The following EGFR variants were observed in gnomAD, a reference collection of about 807,000 sequenced individuals.
The protein encoded by EGFR is avian erythroblastic leukemia viral (v-erb-b) oncogene homolog.
Under a neutral mutation model 143.0 loss-of-function variants are expected in EGFR, and 58 were observed. The ratio of observed to expected loss-of-function variants is 0.41; its 90% CI spans 0.33 to 0.50. The LOEUF is 0.50. Among genes scored for constraint, EGFR ranks in the 20% least tolerant of loss-of-function variants. EGFR has a pLI of 0.39. For missense variants in EGFR, 1,307 were observed against 1,579.0 expected, an observed-to-expected ratio of 0.83 and a Z score of 2.92; for synonymous variants, 613 against 594.4, an observed-to-expected ratio of 1.03 and a Z score of -0.45.
intron 1 of EGFR, among the ~76,000 whole-genome samples, chr7:55,033,679 C>T (rs943576054): frequency 3.9e-5 from 6 of 152,150 alleles, no homozygotes; most frequent in African/African-American, 1.2e-4. Context: ...ACGTCCTTCC[C>T]GTGGTCTGGA....
rs1343778921 is a variant in EGFR at position 55,167,082 on chromosome 7, T to G, written c.1880+1645T>G. On this transcript the variant is annotated intron_variant, in intron 15 of 27. Transcript: ENST00000275493. ...ACAATGTTGGTGGTGTTGATGGTGGTGATGATGATGAGGAGGTGGGAGTCA... is the reference window on the plus strand; with the variant it reads ...ACAATGTTGGTGGTGTTGATGGTGGGGATGATGATGAGGAGGTGGGAGTCA... Among the ~76,000 whole-genome samples the G allele has an allele frequency of 1.5e-5, 2 of 132,978 alleles. 1 individual carries two copies. Among genetic ancestry groups the G allele is most frequent in the Non-Finnish European group, 3.1e-5 (2 of 64,138 alleles). 87.2% of individuals were successfully genotyped at this position (132,978 alleles called of 152,430 possible).
intron 1 of EGFR, among the ~76,000 whole-genome samples, chr7:55,034,773 T>C (rs1415586486): frequency 6.6e-6 from 1 of 152,254 alleles, no homozygotes; most frequent in Non-Finnish European, 1.5e-5. Context: ...AAAAGTTATT[T>C]TTAAAGTTGT....
chr7:55,130,489 C>A (rs1242210517), intron 1 of EGFR, among the ~76,000 whole-genome samples: 1 of 152,120 alleles, frequency 6.6e-6, no homozygotes, highest in African/African-American at 2.4e-5. Flanking sequence ...TACAGGGTAG[C>A]CAGGGAAAGG....
intron 1 of EGFR, among the ~76,000 whole-genome samples, chr7:55,045,400 A>T (rs1054510864): frequency 1.3e-5 from 2 of 152,212 alleles, no homozygotes. Flanking sequence ...AATTGATTGA[A>T]CTTCACTTGC....
At chr7:55,116,069 C>A (rs1439415064) in intron 1 of EGFR, among the ~76,000 whole-genome samples, 1 of 152,170 alleles carries the variant, frequency 6.6e-6, no homozygotes, top group Non-Finnish European at 1.5e-5. Flanking sequence ...ACTGTTACAA[C>A]CTTACTCATT....
chr7:55,058,524 G>A (rs954371720), intron 1 of EGFR, among the ~76,000 whole-genome samples: 17 of 152,170 alleles, frequency 1.1e-4, no homozygotes, highest in Middle Eastern at 3.2e-3. Flanking sequence ...ATACTATGCA[G>A]CCATAAAAAA....
chr7:55,180,569 TGG>T (rs1440148269), intron 19 of EGFR: 1 of 153,022 alleles, frequency 6.5e-6, no homozygotes. Context: ...TCTTTAGAAA[TGG>T]GTCCCGGGCA....
In EGFR at chr7:55,087,099, TC is replaced by T. The variant is rs368290657; in HGVS notation, c.89-55181del. ...CCACTTGAAACAGGGAAAAATATTT[TC>T]CCCCCGCGCTGTGAGTGTGCTATTT... On this transcript the variant is annotated intron_variant, in intron 1 of 27. Transcript: ENST00000275493. Among the ~76,000 whole-genome samples the T allele has an allele frequency of 5.5e-3, 839 of 151,924 alleles. 8 individuals are homozygous for T. Among genetic ancestry groups the T allele is most frequent in the African/African-American group, 0.017 (709 of 41,394 alleles).
chr7:55,093,758 T>A (rs1221348550), intron 1 of EGFR, among the ~76,000 whole-genome samples: 2 of 152,170 alleles, frequency 1.3e-5, no homozygotes, highest in African/African-American at 4.8e-5. Flanking sequence ...CAAGGAGTTA[T>A]CTTAATTTAG....
At chr7:55,074,588 G>A (rs530284072) in intron 1 of EGFR, among the ~76,000 whole-genome samples, 9 of 152,154 alleles carry the variant, frequency 5.9e-5, no homozygotes, top group African/African-American at 1.2e-4. Flanking sequence ...TTTAAATATC[G>A]TCTTGCTTGC....
At chr7:55,180,903 G>A (rs1380130502) in intron 19 of EGFR, 1 of 327,610 alleles carries the variant, frequency 3.1e-6, no homozygotes, top group East Asian at 7.5e-5. Context: ...ATTCCTACAG[G>A]CCCTCATGAT....
At chr7:55,144,486 G>A (rs2128928243) in intron 3 of EGFR, among the ~76,000 whole-genome samples, 1 of 152,314 alleles carries the variant, frequency 6.6e-6, no homozygotes, top group African/African-American at 2.4e-5. Context: ...AGTGCTGGTA[G>A]GAAAGGGGTG....
intron 6 of EGFR, among the ~76,000 whole-genome samples, chr7:55,153,053 G>A (rs1015233661): frequency 6.6e-6 from 1 of 152,192 alleles, no homozygotes; most frequent in Non-Finnish European, 1.5e-5. Context: ...TTTATTGTTT[G>A]ACTTCGGCTA....
intron 15 of EGFR, chr7:55,170,576 C>A (rs912101229): frequency 1.2e-6 from 2 of 1,610,480 alleles, no homozygotes; most frequent in Non-Finnish European, 1.7e-6. Context: ...GTTCCCCCCG[C>A]TTTTCCTTTC....
At chr7:55,144,828 T>C (rs537188143) in intron 3 of EGFR, among the ~76,000 whole-genome samples, 1 of 152,246 alleles carries the variant, frequency 6.6e-6, no homozygotes, top group South Asian at 2.1e-4. Context: ...GCCAGATGGC[T>C]CGGGAGCACA....
chr7:55,155,386 G>A (rs1785362134), intron 7 of EGFR, among the ~76,000 whole-genome samples: 1 of 152,194 alleles, frequency 6.6e-6, no homozygotes, highest in Admixed American at 6.5e-5. Context: ...AGGTTGCAGT[G>A]AGCTGAGATC....
intron 1 of EGFR, among the ~76,000 whole-genome samples, chr7:55,029,180 T>A (rs913099573): frequency 6.6e-6 from 1 of 152,140 alleles, no homozygotes; most frequent in Non-Finnish European, 1.5e-5. Context: ...AAAGTGGTCA[T>A]TGGAGAATTA....
intron 2 of EGFR, 62 bp downstream of exon 2, chr7:55,142,499 TG>T: frequency 1.3e-6 from 2 of 1,591,656 alleles, no homozygotes; most frequent in Non-Finnish European, 1.7e-6. Context: ...GAGAAAGGCC[TG>T]GGCAGAATTC....
chr7:55,184,491 A>G (rs974396202), intron 20 of EGFR, among the ~76,000 whole-genome samples: 5 of 152,196 alleles, frequency 3.3e-5, no homozygotes, highest in Admixed American at 1.3e-4. Context: ...CCTTCTACAA[A>G]CGAATATAAT....
Sources: allele counts gnomAD v4.1 joint callset (sites outside exome capture counted in the v4.1 genomes callset), GRCh38; gene constraint gnomAD v4.1.1; transcripts MANE v1.5; gene names NCBI Gene and HGNC (gene_info 2026-07-23, HGNC 2026-07-21).